ACADSB: variants seen among roughly 807,000 people sequenced by gnomAD.
ACADSB encodes short/branched chain specific acyl-CoA dehydrogenase, mitochondrial.
In ACADSB, 40 loss-of-function variants were observed where a neutral mutation model predicts 54.1. That is an observed-to-expected ratio of 0.74 (90% CI 0.57 to 0.96). The LOEUF (loss-of-function observed/expected upper bound fraction) is 0.96. Among genes scored for constraint, ACADSB ranks in the 40% least tolerant of loss-of-function variants. ACADSB has a pLI of 0.00. For missense variants in ACADSB, 530 were observed against 510.4 expected, an observed-to-expected ratio of 1.04 and a Z score of -0.37; for synonymous variants, 182 against 182.8, an observed-to-expected ratio of 1.00 and a Z score of 0.03.
At chr10:123,036,407 C>T (rs1391489199) in intron 2 of ACADSB, among the ~76,000 whole-genome samples, 4 of 152,210 alleles carry the variant, frequency 2.6e-5, no homozygotes, top group African/African-American at 9.6e-5. Flanking sequence ...TTTTCCTTTG[C>T]TCCCTCGCCT....
At chr10:123,043,705 G>C (rs11248369) in intron 6 of ACADSB, among the ~76,000 whole-genome samples, 33,915 of 151,954 alleles carry the variant, frequency 0.22, 3,933 homozygotes, top group South Asian at 0.31. Flanking sequence ...GGGAGTGAGG[G>C]GGAGGATGTC....
In ACADSB at chr10:123,054,435, T is replaced by G. The variant is rs1030664002; in HGVS notation, c.*670T>G. 6.6e-6 allele frequency: 1 copy of G among 152,270 alleles called. No individual in the cohort carries two copies. Among genetic ancestry groups the G allele is most frequent in the Non-Finnish European group, 1.5e-5 (1 of 68,070 alleles). The allele number at this position is 152,270 out of a possible 1,614,324, so 9.4% of individuals were successfully genotyped here. A position where few individuals can be genotyped will look rare whatever the true frequency, so the allele number is the denominator to read the frequency against. The stretch of plus-strand genomic sequence containing the variant: ...TTATAGAAATAGTTTATATTCCTAT[T>G]AAATCTTAATCTTGTGGCATCAGGG... On this transcript the variant is annotated 3_prime_UTR_variant, in exon 11 of 11. Coordinates refer to ENST00000358776, the MANE Select transcript of ACADSB (RefSeq NM_001609.4).
At chr10:123,021,948 T>C (rs1850190273) in intron 1 of ACADSB, among the ~76,000 whole-genome samples, 1 of 152,128 alleles carries the variant, frequency 6.6e-6, no homozygotes, top group African/African-American at 2.4e-5. Context: ...CATGTGTGCA[T>C]TAAGAGTGGC....
At position 123,052,299 on chromosome 10, in the gene ACADSB, G is replaced by A. The variant is rs183434977; in HGVS notation, c.1129-762G>A. On this transcript the variant is annotated intron_variant, in intron 9 of 10. Coordinates refer to ENST00000358776, the MANE Select transcript of ACADSB (RefSeq NM_001609.4). This position sits in a 1 kb window ranked among gnomAD's most constrained non-coding sequence, Gnocchi z 4.2. The stretch of plus-strand genomic sequence containing the variant: ...CTTTCTGTGGTTCTGGCAGACAGTT[G>A]TTTCCAGCTTCTAGGGGCTGCTCAC... Among the ~76,000 whole-genome samples the A allele has an allele frequency of 6.6e-5, 10 of 152,310 alleles. No homozygotes were observed. In the East Asian group the frequency reaches 1.9e-3, roughly 29 times the overall value.
chr10:123,038,065 G>C (rs1850423026), intron 3 of ACADSB, among the ~76,000 whole-genome samples: 1 of 152,250 alleles, frequency 6.6e-6, no homozygotes, highest in South Asian at 2.1e-4. Flanking sequence ...TTGGAAGTAA[G>C]ATGGTAATTT....
At chr10:123,044,329 A>G in intron 6 of ACADSB, 64 bp from the exon 7 acceptor site, 1 of 1,403,086 alleles carries the variant, frequency 7.1e-7, no homozygotes, top group Non-Finnish European at 1.0e-6. Context: ...GTACTTACAA[A>G]TATATAATCA....
At chr10:123,036,110 G>A (rs1371976866) in intron 2 of ACADSB, among the ~76,000 whole-genome samples, 1 of 151,848 alleles carries the variant, frequency 6.6e-6, no homozygotes, top group African/African-American at 2.4e-5. Flanking sequence ...TTTTTGAAAG[G>A]GAGTTTTGCT....
At chr10:123,045,133 A>G (rs1283481432) in intron 7 of ACADSB, among the ~76,000 whole-genome samples, 3 of 10,804 alleles carry the variant, frequency 2.8e-4, no homozygotes, top group Admixed American at 2.1e-3. Context: ...TGTAGAGTGT[A>G]TATATATATA....
rs764524104 is a variant in ACADSB at position 123,034,516 on chromosome 10, G to C, written c.202+1G>C. The C allele has an allele frequency of 2.5e-6, 4 of 1,606,376 alleles. No individual in the cohort carries two copies. The highest frequency in any genetic ancestry group is 3.4e-6 in the Non-Finnish European group (4 of 1,179,660). On this transcript the variant is annotated splice_donor_variant, in intron 2 of 10. Coordinates refer to ENST00000358776, the MANE Select transcript of ACADSB (RefSeq NM_001609.4). LOFTEE classifies it high-confidence loss of function. ...GAGGAAATGATGATAAAGAGTTCAGGTAAGTAAATTTATCAGTGTCACCTT... is the reference window on the plus strand; with the variant it reads ...GAGGAAATGATGATAAAGAGTTCAGCTAAGTAAATTTATCAGTGTCACCTT...
chr10:123,024,746 G>T (rs572877238), intron 1 of ACADSB, among the ~76,000 whole-genome samples: 1 of 152,206 alleles, frequency 6.6e-6, no homozygotes, highest in Admixed American at 6.5e-5. Context: ...CAAGCAGCTC[G>T]TGGGGCTGGG....
intron 1 of ACADSB, among the ~76,000 whole-genome samples, chr10:123,018,666 AAG>A (rs1850139224): frequency 6.6e-6 from 1 of 152,192 alleles, no homozygotes; most frequent in Non-Finnish European, 1.5e-5. Flanking sequence ...TATAAAGAAA[AAG>A]AGATTTAATG....
chr10:123,025,737 C>G (rs967093790), intron 1 of ACADSB, among the ~76,000 whole-genome samples: 4 of 152,116 alleles, frequency 2.6e-5, no homozygotes, highest in Non-Finnish European at 5.9e-5. Flanking sequence ...AAAACATGCT[C>G]AAATGCATAG....
At position 123,051,193 on chromosome 10, in the gene ACADSB, A is replaced by C; in HGVS notation, c.1128+7A>C. 1 of 830,296 alleles carries C rather than the reference A, an allele frequency of 1.2e-6. No individual in the cohort carries two copies. The highest frequency in any genetic ancestry group is 1.6e-6 in the Non-Finnish European group (1 of 607,546). The allele number at this position is 830,296 out of a possible 1,614,324, so 51.4% of individuals were successfully genotyped here. A position where few individuals can be genotyped will look rare whatever the true frequency, so the allele number is the denominator to read the frequency against. ...CAAATACTATGCATCAGAGGTAAAAAAAAAAAAAAAAAAAAAAAAGGAAAA... is the reference window on the plus strand; with the variant it reads ...CAAATACTATGCATCAGAGGTAAAACAAAAAAAAAAAAAAAAAAAGGAAAA... On this transcript the variant is annotated splice_region_variant and intron_variant, in intron 9 of 10. Transcript: ENST00000358776.
chr10:123,032,831 C>T (rs982223716), intron 1 of ACADSB, among the ~76,000 whole-genome samples: 2 of 152,054 alleles, frequency 1.3e-5, no homozygotes, highest in Non-Finnish European at 2.9e-5. Context: ...TCAGATGATC[C>T]GCCCGCCTGG....
chr10:123,027,598 T>C (rs997524569), intron 1 of ACADSB: 8 of 451,482 alleles, frequency 1.8e-5, no homozygotes, highest in Admixed American at 9.5e-5. Context: ...GAACTGTAAG[T>C]CCAGTTAAAC....
intron 1 of ACADSB, among the ~76,000 whole-genome samples, chr10:123,018,174 A>G (rs912139741): frequency 1.3e-5 from 2 of 152,160 alleles, no homozygotes; most frequent in African/African-American, 4.8e-5. Flanking sequence ...TGGTTTACAC[A>G]TGATTAAAAA....
Position 123,054,088 on chromosome 10 carries a change from G to A in ACADSB, c.*323G>A, listed in dbSNP as rs886046785. ...GTCACCCAGGCTAGAGTGCAGTGGCGCGATCTCAGCTCACTGCAGCCTTGA... is the reference window on the plus strand; with the variant it reads ...GTCACCCAGGCTAGAGTGCAGTGGCACGATCTCAGCTCACTGCAGCCTTGA... On this transcript the variant is annotated 3_prime_UTR_variant, in exon 11 of 11. Coordinates refer to ENST00000358776, the MANE Select transcript of ACADSB (RefSeq NM_001609.4). 5.4e-5 allele frequency: 18 copies of A among 330,866 alleles called. No individual in the cohort carries two copies. Among genetic ancestry groups the A allele is most frequent in the Admixed American group, 2.1e-4 (5 of 23,566 alleles). The allele number at this position is 330,866 out of a possible 1,614,324, so 20.5% of individuals were successfully genotyped here. A position where few individuals can be genotyped will look rare whatever the true frequency, so the allele number is the denominator to read the frequency against.
intron 3 of ACADSB, 27 bp from the exon 4 acceptor site, chr10:123,040,439 A>G: frequency 6.3e-7 from 1 of 1,585,922 alleles, no homozygotes. Context: ...AGCTTTCTTA[A>G]TCTATGTTGC....
At chr10:123,027,971 T>A (rs1223315059) in intron 1 of ACADSB, among the ~76,000 whole-genome samples, 1 of 152,172 alleles carries the variant, frequency 6.6e-6, no homozygotes, top group African/African-American at 2.4e-5. Flanking sequence ...TCTGATTAGA[T>A]CCTTGATCCT....
Sources: allele counts gnomAD v4.1 joint callset (sites outside exome capture counted in the v4.1 genomes callset), GRCh38; gene constraint gnomAD v4.1.1; non-coding constraint Gnocchi (gnomAD v3.1); transcripts MANE v1.5; gene names NCBI Gene and HGNC (gene_info 2026-07-23, HGNC 2026-07-21).